MAD2L1BP: variants seen among roughly 807,000 people sequenced by gnomAD.
MAD2L1BP encodes MAD2L1 binding protein.
In MAD2L1BP, 22 loss-of-function variants were observed where a neutral mutation model predicts 28.4. The observed-to-expected ratio is 0.77, with a 90% CI of 0.55 to 1.10. MAD2L1BP has a LOEUF of 1.10. Among genes scored for constraint, MAD2L1BP ranks in the 50% least tolerant of loss-of-function variants. The probability of loss-of-function intolerance (pLI) is 0.00; values close to 1 mark genes in which losing one functional copy is unlikely to be tolerated. For missense variants in MAD2L1BP, 325 were observed against 350.5 expected (o/e 0.93, Z 0.58); for synonymous variants, 146 against 133.7 (o/e 1.09, Z -0.63).
At chr6:43,638,036 T>G (rs1199946351) in intron 2 of MAD2L1BP, among the ~76,000 whole-genome samples, 4 of 152,190 alleles carry the variant, frequency 2.6e-5, no homozygotes, top group African/African-American at 9.7e-5. Context: ...TAGCTGGGAT[T>G]ACAGGCATGT....
At chr6:43,629,610 A>C in exon 1 of MAD2L1BP, 1 of 861,520 alleles carries the variant, frequency 1.2e-6, no homozygotes, top group Non-Finnish European at 1.9e-6. Flanking sequence ...TTACATCAGA[A>C]TCGAGCTTTG....
In MAD2L1BP at chr6:43,640,919, A is replaced by T. The variant is rs1016220461; in HGVS notation, c.*386A>T. ...GGATGTGACTTATGAACTTAAATAT[A>T]AAATAAATAGATTCTTATTATATTT... On this transcript the variant is annotated 3_prime_UTR_variant, in exon 3 of 3. Transcript: ENST00000372171. 9.7e-6 allele frequency: 2 copies of T among 206,968 alleles called. No homozygotes were observed. Among genetic ancestry groups the T allele is most frequent in the African/African-American group, 4.6e-5 (2 of 43,748 alleles). 12.8% of individuals were successfully genotyped at this position (206,968 alleles called of 1,614,324 possible).
At position 43,640,146 on chromosome 6, in the gene MAD2L1BP, A is replaced by G. The variant is rs753309747; in HGVS notation, c.438A>G (p.Leu146=). Residue 146 remains leucine (L), a synonymous_variant, in exon 3 of 3, where the codon CTA becomes CTG. Transcript: ENST00000372171. ...SHLEDFFART[L]VPRVLILLGG... is the part of the protein sequence containing the mutation. ...TGGAGGACTTCTTTGCACGGACACT[A>G]GTACCGCGAGTGCTGATTCTCCTTG... 1.2e-6 allele frequency: 2 copies of G among 1,612,256 alleles called. No individual in the cohort carries two copies. Among genetic ancestry groups the G allele is most frequent in the Admixed American group, 1.7e-5 (1 of 59,906 alleles).
upstream of MAD2L1BP, among the ~76,000 whole-genome samples, chr6:43,632,625 C>T (rs1769987588): frequency 6.7e-6 from 1 of 149,700 alleles, no homozygotes; most frequent in South Asian, 2.1e-4. Context: ...CTTCCTGAAA[C>T]ACATCCTTTT....
upstream of MAD2L1BP, among the ~76,000 whole-genome samples, chr6:43,634,000 C>T (rs1335365941): frequency 6.6e-6 from 1 of 152,210 alleles, no homozygotes; most frequent in Non-Finnish European, 1.5e-5. Flanking sequence ...CTACACCCTC[C>T]CTGGGTGATC....
chr6:43,635,245 C>T (rs1404234255), upstream of MAD2L1BP, among the ~76,000 whole-genome samples: 2 of 152,178 alleles, frequency 1.3e-5, no homozygotes, highest in Non-Finnish European at 2.9e-5. Context: ...AGCCTTAACT[C>T]TTTATAATAT....
chr6:43,640,594 A>C lies in MAD2L1BP; in HGVS notation c.*61A>C. The C allele has an allele frequency of 6.7e-7, 1 of 1,499,502 alleles. No homozygotes were observed. The highest frequency in any genetic ancestry group is 8.9e-7 in the Non-Finnish European group (1 of 1,123,018). 92.9% of individuals were successfully genotyped at this position (1,499,502 alleles called of 1,614,324 possible). ...AATTATCTTTCTCCATGTGGCGCTG[A>C]ATCACCCATCTGGTTTGGAGCTAGA... On this transcript the variant is annotated 3_prime_UTR_variant, in exon 3 of 3. Coordinates refer to ENST00000372171, the MANE Select transcript of MAD2L1BP (RefSeq NM_014628.3).
At chr6:43,633,172 C>CTT (rs547697381), upstream of MAD2L1BP, 1,061 of 391,018 alleles carry the variant, frequency 2.7e-3, no homozygotes, top group Middle Eastern at 5.6e-3. Context: ...AATCATTGTA[C>CTT]TTTTTTTTTT....
chr6:43,631,514 C>T (rs897641372), upstream of MAD2L1BP, among the ~76,000 whole-genome samples: 7 of 152,160 alleles, frequency 4.6e-5, no homozygotes, highest in African/African-American at 1.7e-4. Context: ...GACAAGGTCT[C>T]CCTCTGTCAC....
At chr6:43,632,460 T>C (rs562457266), upstream of MAD2L1BP, among the ~76,000 whole-genome samples, 1 of 151,742 alleles carries the variant, frequency 6.6e-6, no homozygotes, top group East Asian at 2.0e-4. Context: ...GTTTGCCGTG[T>C]TGCTCAGGCC....
chr6:43,638,310 G>A (rs533205899), intron 2 of MAD2L1BP, among the ~76,000 whole-genome samples: 2 of 152,080 alleles, frequency 1.3e-5, no homozygotes, highest in Non-Finnish European at 1.5e-5. Flanking sequence ...CCAAAGTGTT[G>A]TTGGGATTAC....
At chr6:43,636,107 T>C (rs953574225) in intron 1 of MAD2L1BP, among the ~76,000 whole-genome samples, 186 bp downstream of exon 1, 2 of 152,156 alleles carry the variant, frequency 1.3e-5, no homozygotes, top group Non-Finnish European at 2.9e-5. Context: ...GACTACACTT[T>C]TGACTCATTT....
upstream of MAD2L1BP, among the ~76,000 whole-genome samples, chr6:43,633,491 T>C (rs572280409): frequency 6.6e-6 from 1 of 152,060 alleles, no homozygotes; most frequent in East Asian, 1.9e-4. Flanking sequence ...TGTACTTTTA[T>C]AGTGTGTTTT....
intron 2 of MAD2L1BP, among the ~76,000 whole-genome samples, chr6:43,639,398 C>G (rs898174195): frequency 6.6e-6 from 1 of 152,246 alleles, no homozygotes; most frequent in Non-Finnish European, 1.5e-5. Context: ...CTCGGCCTCT[C>G]AAAGTGCTGG....
chr6:43,629,687 C>A lies in MAD2L1BP; in HGVS notation c.-63C>A, dbSNP rs1178885419. ...AACAGGTTTTGGACCTCGAGAGCTGCAGAACTGAGGCTACTGGTGCCGCCA... is the reference window on the plus strand; with the variant it reads ...AACAGGTTTTGGACCTCGAGAGCTGAAGAACTGAGGCTACTGGTGCCGCCA... On this transcript the variant is annotated 5_prime_UTR_variant, in exon 1 of 4. Coordinates refer to the MAD2L1BP transcript ENST00000451025. 7.2e-6 allele frequency: 11 copies of A among 1,530,930 alleles called. No homozygotes were observed. The East Asian group carries it at 2.7e-4, about 38-fold the overall frequency. The allele number at this position is 1,530,930 out of a possible 1,614,324, so 94.8% of individuals were successfully genotyped here. A position where few individuals can be genotyped will look rare whatever the true frequency, so the allele number is the denominator to read the frequency against.
intron 2 of MAD2L1BP, among the ~76,000 whole-genome samples, chr6:43,637,192 G>T (rs1281813439): frequency 6.6e-6 from 1 of 152,114 alleles, no homozygotes; most frequent in African/African-American, 2.4e-5. Flanking sequence ...AGCCTCCCCA[G>T]TAGCTAGGAT....
intron 1 of MAD2L1BP, 108 bp downstream of exon 1, chr6:43,636,029 T>A (rs957545997): frequency 7.7e-6 from 9 of 1,168,058 alleles, no homozygotes; most frequent in Non-Finnish European, 7.3e-6. Flanking sequence ...CCGTCTTCCC[T>A]GTCTTCCGGG....
rs569710291 is a variant in MAD2L1BP, at chr6:43,636,433, A to G, written c.99A>G (p.Leu33=). Reference sequence around the variant, plus strand: ...AAACTCACGCCTCCCAGATAGAACTACTTGAGACAAGCTCTACGCAGGAAC... The same window carrying G: ...AAACTCACGCCTCCCAGATAGAACTGCTTGAGACAAGCTCTACGCAGGAAC... ...SEETHASQIE[L]LETSSTQEPL... Residue 33 remains leucine, a synonymous_variant, in exon 2 of 3, where the codon CTA becomes CTG. Coordinates refer to ENST00000372171, the MANE Select transcript of MAD2L1BP (RefSeq NM_014628.3). 5.6e-6 allele frequency: 9 copies of G among 1,614,138 alleles called. No individual in the cohort carries two copies. In the South Asian group the frequency reaches 9.9e-5, roughly 18 times the overall value.
chr6:43,639,974 C>T (rs1434090161), intron 2 of MAD2L1BP, 47 bp from the exon 3 acceptor site: 2 of 1,495,408 alleles, frequency 1.3e-6, no homozygotes, highest in Non-Finnish European at 1.8e-6. Context: ...AGAGCATTAG[C>T]TTCCCCCTGC....
Sources: allele counts gnomAD v4.1 joint callset (sites outside exome capture counted in the v4.1 genomes callset), GRCh38; gene constraint gnomAD v4.1.1; transcripts MANE v1.5; gene names NCBI Gene and HGNC (gene_info 2026-07-23, HGNC 2026-07-21).